The following LAMA3 variants were observed in gnomAD, a reference collection of about 807,000 sequenced individuals.
The protein encoded by LAMA3 is laminin subunit alpha 3.
Under a neutral mutation model 402.0 loss-of-function variants are expected in LAMA3, and 281 were observed. The observed-to-expected ratio is 0.70, with a 90% CI of 0.63 to 0.77. The LOEUF (loss-of-function observed/expected upper bound fraction) is 0.77, where lower values mean the gene tolerates loss of function less well. Ranked by LOEUF, LAMA3 falls within the 30% of genes least tolerant of loss-of-function variation. The pLI, the probability that LAMA3 is intolerant of heterozygous loss-of-function variation, is 0.00. For synonymous variants in LAMA3, 1,431 were observed against 1,558.4 expected, an observed-to-expected ratio of 0.92 and a Z score of 1.93; for missense variants, 3,840 against 4,215.5, an observed-to-expected ratio of 0.91 and a Z score of 2.47.
intron 52 of LAMA3, 83 bp downstream of exon 52, chr18:23,905,707 A>G (rs1284660884): frequency 2.6e-6 from 2 of 763,086 alleles, no homozygotes; most frequent in Non-Finnish European, 4.7e-6. Context: ...CCTAGAAGCA[A>G]ATGTTGTTTT....
intron 12 of LAMA3, 84 bp downstream of exon 12, chr18:23,784,241 G>A: frequency 1.3e-5 from 20 of 1,541,676 alleles, no homozygotes; most frequent in Non-Finnish European, 1.7e-5. Flanking sequence ...TTCTGGCAGA[G>A]CTGTCTGGCT....
intron 68 of LAMA3, 42 bp downstream of exon 68, chr18:23,939,428 G>T: frequency 6.2e-7 from 1 of 1,600,396 alleles, no homozygotes; most frequent in South Asian, 1.1e-5. Flanking sequence ...CTCAGAACCT[G>T]ACTCTGCGAT....
Position 23,899,411 on chromosome 18 carries a change from A to G in LAMA3, c.5960A>G (p.Lys1987Arg), listed in dbSNP as rs1431618938. 6.2e-7 allele frequency: 1 copy of G among 1,614,064 alleles called. No homozygotes were observed. The highest frequency in any genetic ancestry group is 1.3e-5 in the African/African-American group (1 of 74,936). ...MRELRNRNFG[K>R]HLREAEADKR... ...GAACTGCGGAACAGGAACTTTGGAA[A>G]GCACCTCAGAGAAGCAGAAGCTGAT... The change falls in exon 47 of 75, where the codon AAG (lysine) becomes AGG (arginine). Residue 1987 changes from lysine (K) to arginine (R), a missense_variant. Around this residue, in one of 3 missense-constraint regions of LAMA3, gnomAD observed 891 missense variants for 857.5 expected, o/e 1.04. Coordinates refer to ENST00000313654, the MANE Select transcript of LAMA3 (RefSeq NM_198129.4).
intron 18 of LAMA3, among the ~76,000 whole-genome samples, chr18:23,819,080 G>A (rs922454206): frequency 6.6e-6 from 1 of 151,968 alleles, no homozygotes; most frequent in Non-Finnish European, 1.5e-5. Flanking sequence ...TCTATTTGCA[G>A]TATAGGAGCA....
At chr18:23,819,787 C>A (rs1490524501) in intron 18 of LAMA3, 54 bp from the exon 19 acceptor site, 13 of 1,473,486 alleles carry the variant, frequency 8.8e-6, no homozygotes, top group Non-Finnish European at 1.2e-5. Context: ...AAAAGATGTT[C>A]AGATGATCTA....
chr18:23,772,203 G>A (rs912029552), intron 8 of LAMA3, among the ~76,000 whole-genome samples: 1 of 152,014 alleles, frequency 6.6e-6, no homozygotes, highest in Non-Finnish European at 1.5e-5. Context: ...CACCATGCCC[G>A]GCTAATTTTT....
chr18:23,882,008 G>C lies in LAMA3; in HGVS notation c.5185G>C (p.Gly1729Arg). Residue 1729 changes from glycine (G) to arginine (R), a missense_variant, in exon 40 of 75, where the codon GGA (glycine) becomes CGA (arginine). Gly to Arg is a moderately radical substitution (Grantham distance 125). Transcript: ENST00000313654. ...GGGCTACTATGGCAACGCCGTCCAC[G>C]GATCCTGCAGGGCCTGCCCATGTCC... ...QEGYYGNAVH[G>R]SCRACPCPHT... The C allele has an allele frequency of 6.2e-7, 1 of 1,613,870 alleles. No individual in the cohort carries two copies. The highest frequency in any genetic ancestry group is 8.5e-7 in the Non-Finnish European group (1 of 1,179,838).
In LAMA3 at chr18:23,784,062, G is replaced by A. The variant is rs1170630074; in HGVS notation, c.1508G>A (p.Cys503Tyr). ...CNLEGVLPEI[C>Y]DAHGRCLCRP... Reference sequence around the variant, plus strand: ...CTGGAAGGTGTTCTCCCTGAAATATGTGATGCCCACGGACGGTGCCTGTGC... The same window carrying A: ...CTGGAAGGTGTTCTCCCTGAAATATATGATGCCCACGGACGGTGCCTGTGC... Residue 503 changes from cysteine to tyrosine, a missense_variant, in exon 12 of 75, where the codon TGT (cysteine) becomes TAT (tyrosine). Cys to Tyr is a radical substitution (Grantham distance 194, BLOSUM62 -2). This residue lies in a region of LAMA3 where 2,109 missense variants were observed against 2,376.0 expected (regional missense o/e 0.89). Coordinates refer to ENST00000313654, the MANE Select transcript of LAMA3 (RefSeq NM_198129.4). 1 of 1,614,126 alleles carries A rather than the reference G, an allele frequency of 6.2e-7. No individual in the cohort carries two copies. Among genetic ancestry groups the A allele is most frequent in the Non-Finnish European group, 8.5e-7 (1 of 1,180,010 alleles).
chr18:23,852,948 C>G (rs949423991), intron 32 of LAMA3, among the ~76,000 whole-genome samples: 2 of 152,160 alleles, frequency 1.3e-5, no homozygotes, highest in African/African-American at 4.8e-5. Flanking sequence ...GTTAAAAGTA[C>G]AGACTCAAAG....
chr18:23,928,267 A>C, intron 63 of LAMA3, 27 bp downstream of exon 63: 1 of 1,435,966 alleles, frequency 7.0e-7, no homozygotes, highest in Non-Finnish European at 9.8e-7. Context: ...AACCTCGTGA[A>C]GGAGTGCTTC....
At chr18:23,777,210 A>G (rs2337181) in intron 10 of LAMA3, among the ~76,000 whole-genome samples, 6,656 of 151,946 alleles carry the variant, frequency 0.044, 394 homozygotes, top group Admixed American at 0.17. Context: ...GTCAGGAGAA[A>G]AAAATGAAAG....
In LAMA3 at chr18:23,899,218, T is replaced by C. The variant is rs2080982284; in HGVS notation, c.5837-70T>C. The C allele has an allele frequency of 3.0e-5, 11 of 363,774 alleles. No homozygotes were observed. The East Asian group carries it at 3.6e-4, about 12-fold the overall frequency. 22.5% of individuals were successfully genotyped at this position (363,774 alleles called of 1,614,324 possible). A position where few individuals can be genotyped will look rare whatever the true frequency, so the allele number is the denominator to read the frequency against. On this transcript the variant is annotated intron_variant, in intron 46 of 74. Transcript: ENST00000313654. ...TAAAATCTCCATAGAAGTTTCTACC[T>C]TTTTTTTTTTTTAAGTAGCCTACTG... is the stretch of plus-strand genomic sequence containing the variant.
At chr18:23,815,381 A>G (rs1217304880) in intron 16 of LAMA3, 87 bp from the exon 17 acceptor site, 4 of 1,374,486 alleles carry the variant, frequency 2.9e-6, no homozygotes, top group Non-Finnish European at 3.1e-6. Flanking sequence ...ACTGCTTCCT[A>G]TTATACAGTG....
At chr18:23,747,492 C>T (rs1445289553) in intron 2 of LAMA3, among the ~76,000 whole-genome samples, 2 of 152,162 alleles carry the variant, frequency 1.3e-5, no homozygotes, top group East Asian at 3.9e-4. Flanking sequence ...GCTTGGGTTT[C>T]AGTTCTGGCA....
chr18:23,750,859 G>C, intron 4 of LAMA3, 59 bp from the exon 5 acceptor site: 1 of 1,584,280 alleles, frequency 6.3e-7, no homozygotes, highest in Non-Finnish European at 8.7e-7. Context: ...TTACTTACTT[G>C]CTGCTAAATT....
In LAMA3 at chr18:23,920,938, C is replaced by G. The variant is rs752942455; in HGVS notation, c.7927C>G (p.Arg2643Gly). The change falls in exon 61 of 75, where the codon CGC (arginine) becomes GGC (glycine). Residue 2643 changes from arginine (R) to glycine (G), a missense_variant. Coordinates refer to ENST00000313654, the MANE Select transcript of LAMA3 (RefSeq NM_198129.4). ...CTGCATTGTTCCTCTGTCCTAGGATCGCTTCATATCTCTAAATATAGAAGA... is the reference window on the plus strand; with the variant it reads ...CTGCATTGTTCCTCTGTCCTAGGATGGCTTCATATCTCTAAATATAGAAGA... ...GLLFFAENGD[R>G]FISLNIEDGK... is the part of the protein sequence containing the mutation. The G allele has an allele frequency of 6.2e-7, 1 of 1,613,862 alleles. No individual in the cohort carries two copies. The highest frequency in any genetic ancestry group is 8.5e-7 in the Non-Finnish European group (1 of 1,179,942).
chr18:23,811,969 G>A (rs944028989), intron 13 of LAMA3, among the ~76,000 whole-genome samples: 1 of 151,970 alleles, frequency 6.6e-6, no homozygotes, highest in Non-Finnish European at 1.5e-5. Flanking sequence ...TGCCTCACGG[G>A]TTCAAGCGAT....
Position 23,953,060 on chromosome 18 carries a change from C to T in LAMA3, c.9807C>T (p.Pro3269=), listed in dbSNP as rs1246069606. Residue 3269 remains proline (P), a synonymous_variant, in exon 74 of 75, where the codon CCC becomes CCT. Transcript: ENST00000313654. ...GTAGCTACACAGCTGGACAGATCCC[C>T]TTCCCACCTGCCAGCACTCAAGAGC... ...TDSSYTAGQI[P]FPPASTQEPL... 6.2e-7 allele frequency: 1 copy of T among 1,614,038 alleles called. No homozygotes were observed. Among genetic ancestry groups the T allele is most frequent in the East Asian group, 2.2e-5 (1 of 44,886 alleles).
Position 23,883,872 on chromosome 18 carries a change from CTA to C in LAMA3, c.5223-899_5223-898del, listed in dbSNP as rs368930207. ...GGTCTTTGAATTTATCAGTAAAACTCTATTTGTATCTATTTCTCCTTCCTGCA... is the reference window on the plus strand; with the variant it reads ...GGTCTTTGAATTTATCAGTAAAACTCTTTGTATCTATTTCTCCTTCCTGCA... On this transcript the variant is annotated intron_variant, in intron 40 of 74. Coordinates refer to ENST00000313654, the MANE Select transcript of LAMA3 (RefSeq NM_198129.4). 6.5e-3 allele frequency among the ~76,000 whole-genome samples: 988 copies of C among 152,300 alleles called. 6 individuals carry two copies. Among genetic ancestry groups the C allele is most frequent in the Non-Finnish European group, 0.01 (701 of 68,016 alleles).
Sources: allele counts gnomAD v4.1 joint callset (sites outside exome capture counted in the v4.1 genomes callset), GRCh38; gene constraint gnomAD v4.1.1; regional missense constraint gnomAD v4.1.1; transcripts MANE v1.5; gene names NCBI Gene and HGNC (gene_info 2026-07-23, HGNC 2026-07-21).